REC114: variants seen among roughly 807,000 people sequenced by gnomAD.
REC114 encodes the protein REC114 meiotic recombination protein, also known as meiotic recombination protein REC114.
A neutral mutation model predicts 31.3 loss-of-function variants in REC114; 27 were observed. The ratio of observed to expected loss-of-function variants is 0.86; its 90% CI spans 0.64 to 1.19. REC114 has a LOEUF of 1.19. Among genes scored for constraint, REC114 ranks in the 50% most tolerant of loss-of-function variants. The probability of loss-of-function intolerance (pLI) is 0.00; values close to 1 mark genes in which losing one functional copy is unlikely to be tolerated. For missense variants in REC114, 344 were observed against 326.9 expected, an observed-to-expected ratio of 1.05 and a Z score of -0.40; for synonymous variants, 134 against 127.7, an observed-to-expected ratio of 1.05 and a Z score of -0.33.
chr15:73,534,541 G>A (rs1894129464), intron 2 of REC114, among the ~76,000 whole-genome samples: 2 of 152,042 alleles, frequency 1.3e-5, no homozygotes, highest in Non-Finnish European at 2.9e-5. Context: ...ATAATCAATA[G>A]CTTACCAACC....
At chr15:73,539,159 C>T (rs1894204171) in intron 2 of REC114, among the ~76,000 whole-genome samples, 2 of 151,806 alleles carry the variant, frequency 1.3e-5, no homozygotes, top group South Asian at 2.1e-4. Flanking sequence ...TAATAATCAA[C>T]ATTTCTTTTT....
intron 1 of REC114, among the ~76,000 whole-genome samples, chr15:73,443,878 GATA>G (rs1892731072): frequency 2.0e-5 from 3 of 152,150 alleles, no homozygotes. Context: ...TTAAAATAGA[GATA>G]ATAATATAAT....
At chr15:73,509,593 T>C (rs1225871275) in intron 2 of REC114, among the ~76,000 whole-genome samples, 3 of 145,918 alleles carry the variant, frequency 2.1e-5, no homozygotes. Context: ...TTTAAATCTT[T>C]AATCCATCTT....
At chr15:73,559,548 A>G (rs995761382) in intron 5 of REC114, among the ~76,000 whole-genome samples, 2 of 152,256 alleles carry the variant, frequency 1.3e-5, no homozygotes, top group Admixed American at 6.5e-5. Flanking sequence ...CTCACATGCT[A>G]TGTGTATTCA....
chr15:73,502,297 A>G (rs532021422), intron 2 of REC114, among the ~76,000 whole-genome samples: 16 of 152,296 alleles, frequency 1.1e-4, no homozygotes, highest in Admixed American at 9.2e-4. Flanking sequence ...TTTCCATGGT[A>G]ACATCACCTT....
chr15:73,465,795 G>T (rs1893048688), intron 1 of REC114, among the ~76,000 whole-genome samples: 1 of 151,994 alleles, frequency 6.6e-6, no homozygotes, highest in Admixed American at 6.6e-5. Context: ...ACAGTATAAG[G>T]CAGGAAAAAA....
chr15:73,487,276 G>A (rs532853863), intron 2 of REC114, among the ~76,000 whole-genome samples: 2 of 152,296 alleles, frequency 1.3e-5, no homozygotes, highest in South Asian at 4.1e-4. Context: ...GTCTTAACTT[G>A]TTCCAGCACC....
intron 5 of REC114, among the ~76,000 whole-genome samples, chr15:73,559,340 G>A (rs978343570): frequency 2.6e-5 from 4 of 152,224 alleles, no homozygotes; most frequent in Non-Finnish European, 5.9e-5. Context: ...GCACATAGTA[G>A]GCTGCTCACA....
At chr15:73,477,110 C>G (rs1485189476) in intron 2 of REC114, among the ~76,000 whole-genome samples, 1 of 152,178 alleles carries the variant, frequency 6.6e-6, no homozygotes, top group Admixed American at 6.5e-5. Context: ...TCTTTAGTGA[C>G]TAATACTGTT....
chr15:73,516,764 A>C (rs1595875602), intron 2 of REC114, among the ~76,000 whole-genome samples: 2 of 152,240 alleles, frequency 1.3e-5, no homozygotes, highest in Admixed American at 6.5e-5. Flanking sequence ...AGTAGCTGAG[A>C]TTACAGGCTC....
intron 2 of REC114, among the ~76,000 whole-genome samples, chr15:73,502,763 T>C (rs1455309738): frequency 6.6e-6 from 1 of 152,224 alleles, no homozygotes; most frequent in African/African-American, 2.4e-5. Flanking sequence ...AAGTAAGTTT[T>C]AGTGCTAAAA....
intron 2 of REC114, among the ~76,000 whole-genome samples, chr15:73,477,144 A>T (rs977019568): frequency 1.3e-5 from 2 of 152,092 alleles, no homozygotes; most frequent in Admixed American, 1.3e-4. Flanking sequence ...CGTATTTGCC[A>T]TTTGTATGTC....
At chr15:73,532,590 C>T (rs1181120847) in intron 2 of REC114, among the ~76,000 whole-genome samples, 1 of 151,866 alleles carries the variant, frequency 6.6e-6, no homozygotes, top group Non-Finnish European at 1.5e-5. Context: ...AACTAGTTTA[C>T]AGTCCCACCA....
chr15:73,534,546 C>G (rs1418025458), intron 2 of REC114, among the ~76,000 whole-genome samples: 1 of 152,032 alleles, frequency 6.6e-6, no homozygotes, highest in Admixed American at 6.6e-5. Flanking sequence ...CAATAGCTTA[C>G]CAACCAAAAA....
chr15:73,548,134 T>C (rs554701761), intron 3 of REC114, among the ~76,000 whole-genome samples: 14 of 152,200 alleles, frequency 9.2e-5, no homozygotes, highest in African/African-American at 3.4e-4. Flanking sequence ...TTTTTTGAGA[T>C]GGAGTCTTGC....
At position 73,550,659 on chromosome 15, in the gene REC114, A is replaced by G. The variant is rs182243889; in HGVS notation, c.334-279A>G. Among the ~76,000 whole-genome samples, 26 of 152,330 alleles carry G rather than the reference A, an allele frequency of 1.7e-4. 1 individual carries two copies. In the East Asian group the frequency reaches 4.6e-3, roughly 27 times the overall value. On this transcript the variant is annotated intron_variant, in intron 3 of 5. Transcript: ENST00000331090. ...AAGCACGATAAAACACTGATCTGCA[A>G]TCAGTATAGTGATCTTCCTGTCTTT...
intron 5 of REC114, among the ~76,000 whole-genome samples, chr15:73,557,139 G>C (rs2141339348): frequency 6.6e-6 from 1 of 150,586 alleles, no homozygotes; most frequent in East Asian, 2.0e-4. Flanking sequence ...GTGCGATCTT[G>C]GCTCACTGCA....
chr15:73,531,618 C>A (rs1894083338), intron 2 of REC114, among the ~76,000 whole-genome samples: 1 of 152,262 alleles, frequency 6.6e-6, no homozygotes, highest in South Asian at 2.1e-4. Flanking sequence ...GGGGTGTCAA[C>A]CATGTGCCAG....
intron 2 of REC114, among the ~76,000 whole-genome samples, chr15:73,516,043 A>G (rs962251951): frequency 1.3e-5 from 2 of 151,318 alleles, no homozygotes; most frequent in East Asian, 1.9e-4. Flanking sequence ...CTGGAGTGCA[A>G]TGGCACAATC....
Sources: allele counts gnomAD v4.1 joint callset (sites outside exome capture counted in the v4.1 genomes callset), GRCh38; gene constraint gnomAD v4.1.1; transcripts MANE v1.5; gene names NCBI Gene and HGNC (gene_info 2026-07-23, HGNC 2026-07-21).